KHDRBS2: variants seen among roughly 807,000 people sequenced by gnomAD.
KHDRBS2 encodes the protein KH RNA binding domain containing, signal transduction associated 2, also known as KH domain-containing, RNA-binding, signal transduction-associated protein 2.
In KHDRBS2, 26 loss-of-function variants were observed where a neutral mutation model predicts 44.3. The ratio of observed to expected loss-of-function variants is 0.59; its 90% CI spans 0.43 to 0.81. KHDRBS2 has a LOEUF of 0.81. KHDRBS2 is among the 40% of genes least tolerant of loss of function. The probability of loss-of-function intolerance (pLI) is 0.00; values close to 1 mark genes in which losing one functional copy is unlikely to be tolerated. For synonymous variants in KHDRBS2, 194 were observed against 151.1 expected (o/e 1.28, Z -2.08); for missense variants, 476 against 433.1 (o/e 1.10, Z -0.88).
the KHDRBS2 span, among the ~76,000 whole-genome samples, chr6:61,546,434 G>T: frequency 6.6e-6 from 1 of 151,964 alleles, no homozygotes; most frequent in Admixed American, 6.6e-5. Flanking sequence ...TAGGTTCTTG[G>T]AAACTGTGAC....
intron 6 of KHDRBS2, among the ~76,000 whole-genome samples, chr6:61,846,551 T>C (rs1794436277): frequency 6.6e-6 from 1 of 152,170 alleles, no homozygotes; most frequent in Non-Finnish European, 1.5e-5. Context: ...TGAAAATATT[T>C]CCATTGAGAA....
chr6:62,270,676 A>T (rs577338177), intron 1 of KHDRBS2, among the ~76,000 whole-genome samples: 171 of 152,178 alleles, frequency 1.1e-3, no homozygotes, highest in Middle Eastern at 6.8e-3. Context: ...TAAAAACTGC[A>T]TTTCACTGTT....
intron 1 of KHDRBS2, among the ~76,000 whole-genome samples, chr6:62,268,343 C>T (rs1327343747): frequency 6.6e-6 from 1 of 152,020 alleles, no homozygotes; most frequent in Non-Finnish European, 1.5e-5. Flanking sequence ...TACATGCTTA[C>T]TAAATGATAG....
At chr6:62,282,808 A>G (rs768068431) in intron 1 of KHDRBS2, among the ~76,000 whole-genome samples, 10 of 152,180 alleles carry the variant, frequency 6.6e-5, no homozygotes, top group Non-Finnish European at 8.8e-5. Context: ...TTGTATCATC[A>G]GTAGCCTGAG....
intron 1 of KHDRBS2, among the ~76,000 whole-genome samples, chr6:62,186,979 A>C (rs1214128688): frequency 1.3e-5 from 2 of 152,118 alleles, no homozygotes; most frequent in Admixed American, 6.6e-5. Context: ...AACAAAAAAA[A>C]ATTCAGGACA....
the KHDRBS2 span, among the ~76,000 whole-genome samples, chr6:61,672,622 C>T: frequency 2.6e-3 from 389 of 151,272 alleles, no homozygotes; most frequent in African/African-American, 9.1e-3. Flanking sequence ...TTTCATGTGT[C>T]TTTTGGCTGC....
At chr6:61,852,590 C>G (rs905897507) in intron 6 of KHDRBS2, among the ~76,000 whole-genome samples, 1 of 151,922 alleles carries the variant, frequency 6.6e-6, no homozygotes, top group African/African-American at 2.4e-5. Flanking sequence ...GATTTCCCCC[C>G]CTTTAATTAT....
rs140396101 is a variant in KHDRBS2, at chr6:61,918,195, T to C, written c.484-16824A>G. 1.4e-4 allele frequency among the ~76,000 whole-genome samples: 22 copies of C among 152,128 alleles called. No individual in the cohort carries two copies. In the East Asian group the frequency reaches 3.5e-3, roughly 24 times the overall value. Reference sequence around the variant, plus strand: ...TCTCATCTTTATACCATTTAAGTTATTCCTTTTTTAATTTTCTTCTTGTTC... The same window carrying C: ...TCTCATCTTTATACCATTTAAGTTACTCCTTTTTTAATTTTCTTCTTGTTC... On this transcript the variant is annotated intron_variant, in intron 4 of 8. Coordinates refer to ENST00000281156, the MANE Select transcript of KHDRBS2 (RefSeq NM_152688.4).
At chr6:62,018,606 A>G (rs1252931890) in intron 3 of KHDRBS2, among the ~76,000 whole-genome samples, 1 of 152,140 alleles carries the variant, frequency 6.6e-6, no homozygotes, top group African/African-American at 2.4e-5. Context: ...TGGCCTCCCA[A>G]AGTGCTGGGA....
intron 4 of KHDRBS2, among the ~76,000 whole-genome samples, chr6:61,945,089 T>C (rs1311861587): frequency 3.6e-5 from 1 of 27,752 alleles, no homozygotes; most frequent in Non-Finnish European, 6.7e-5. Context: ...AGACTCTGTC[T>C]TAAAAAAAAA....
chr6:61,697,926 A>C (rs1182258896), intron 7 of KHDRBS2, among the ~76,000 whole-genome samples: 2 of 152,074 alleles, frequency 1.3e-5, no homozygotes, highest in Non-Finnish European at 2.9e-5. Context: ...CCAAAGTCTT[A>C]CGTGTTTCTT....
At chr6:61,647,862 GAGGTCACAGACTTCACAATATT>G in the KHDRBS2 span, among the ~76,000 whole-genome samples, 1 of 152,054 alleles carries the variant, frequency 6.6e-6, no homozygotes, top group African/African-American at 2.4e-5. Flanking sequence ...CCATGATGTA[GAGGTCACAGACTTCACAATATT>G]AGTTAGTTTT....
intron 2 of KHDRBS2, among the ~76,000 whole-genome samples, chr6:62,119,413 T>C (rs1372958805): frequency 6.6e-6 from 1 of 152,152 alleles, no homozygotes; most frequent in African/African-American, 2.4e-5. Flanking sequence ...AAGCACAAAC[T>C]AAGCCTCACA....
chr6:61,653,728 G>C, the KHDRBS2 span, among the ~76,000 whole-genome samples: 5 of 151,988 alleles, frequency 3.3e-5, no homozygotes, highest in African/African-American at 1.2e-4. Flanking sequence ...GGAGAGTTCA[G>C]AGAATACTAC....
At chr6:62,196,806 T>C (rs1313417639) in intron 1 of KHDRBS2, among the ~76,000 whole-genome samples, 1 of 151,984 alleles carries the variant, frequency 6.6e-6, no homozygotes, top group African/African-American at 2.4e-5. Context: ...GAATATGTAC[T>C]AGAGAATGAC....
chr6:62,249,800 T>C (rs1836227557), intron 1 of KHDRBS2, among the ~76,000 whole-genome samples: 3 of 152,078 alleles, frequency 2.0e-5, no homozygotes, highest in South Asian at 4.1e-4. Context: ...GAAAAGAACA[T>C]GCTCTTCCAC....
intron 2 of KHDRBS2, among the ~76,000 whole-genome samples, chr6:62,176,436 G>C (rs140409389): frequency 0.018 from 2,770 of 151,316 alleles, 52 homozygotes; most frequent in South Asian, 0.04. Flanking sequence ...ATTTATTTCT[G>C]TAATCGTTAC....
intron 6 of KHDRBS2, among the ~76,000 whole-genome samples, chr6:61,745,605 T>C (rs1489309609): frequency 6.6e-6 from 1 of 152,154 alleles, no homozygotes; most frequent in Non-Finnish European, 1.5e-5. Context: ...AAATTGTTAA[T>C]GCTGTCATGA....
chr6:61,641,516 T>C, the KHDRBS2 span, among the ~76,000 whole-genome samples: 3,726 of 152,300 alleles, frequency 0.024, 70 homozygotes, highest in Middle Eastern at 0.088. Context: ...ACTCAAGGTA[T>C]CCTCCAATTC....
Sources: allele counts gnomAD v4.1 joint callset (sites outside exome capture counted in the v4.1 genomes callset), GRCh38; gene constraint gnomAD v4.1.1; transcripts MANE v1.5; gene names NCBI Gene and HGNC (gene_info 2026-07-23, HGNC 2026-07-21).